CGNL1: variants seen among roughly 807,000 people sequenced by gnomAD.
The protein encoded by CGNL1 is cingulin-like protein 1.
In CGNL1, 132 loss-of-function variants were observed where a neutral mutation model predicts 141.2. That is an observed-to-expected ratio of 0.93 (90% CI 0.81 to 1.08). The LOEUF (loss-of-function observed/expected upper bound fraction) is 1.08. CGNL1 is among the 50% of genes least tolerant of loss of function. The pLI, the probability that CGNL1 is intolerant of heterozygous loss-of-function variation, is 0.00. For synonymous variants in CGNL1, 690 were observed against 622.1 expected (o/e 1.11, Z -1.63); for missense variants, 1,870 against 1,588.6 (o/e 1.18, Z -3.01).
At chr15:57,491,560 A>C (rs1258785760) in intron 8 of CGNL1, among the ~76,000 whole-genome samples, 1 of 152,196 alleles carries the variant, frequency 6.6e-6, no homozygotes, top group Non-Finnish European at 1.5e-5. Flanking sequence ...TGAGCCCTAG[A>C]ACATATGTTT....
chr15:57,392,230 G>A (rs1473779697), intron 1 of CGNL1, among the ~76,000 whole-genome samples: 1 of 152,102 alleles, frequency 6.6e-6, no homozygotes, highest in Non-Finnish European at 1.5e-5. Context: ...TTCTTAGTAG[G>A]GGTGGGAGAT....
chr15:57,522,365 T>A (rs1379359278), intron 10 of CGNL1, among the ~76,000 whole-genome samples: 1 of 152,270 alleles, frequency 6.6e-6, no homozygotes, highest in African/African-American at 2.4e-5. Context: ...GAGTCCGAAG[T>A]GATTTGGAAT....
At chr15:57,485,357 A>G (rs1441255173) in intron 8 of CGNL1, among the ~76,000 whole-genome samples, 1 of 152,180 alleles carries the variant, frequency 6.6e-6, no homozygotes, top group Non-Finnish European at 1.5e-5. Context: ...AAAAGATTGT[A>G]TATTTTGCTA....
At chr15:57,483,468 CTT>C (rs60667956) in intron 8 of CGNL1, among the ~76,000 whole-genome samples, 44 of 127,784 alleles carry the variant, frequency 3.4e-4, no homozygotes, top group South Asian at 7.6e-4. Context: ...ACAAAGTTTT[CTT>C]TTTTTTTTTT....
At chr15:57,529,818 C>T (rs866532029) in intron 13 of CGNL1, among the ~76,000 whole-genome samples, 7 of 152,170 alleles carry the variant, frequency 4.6e-5, no homozygotes, top group Middle Eastern at 3.2e-3. Flanking sequence ...ATTTTCAAAA[C>T]GTCCAGGGGA....
At chr15:57,497,479 C>G (rs2063957397) in intron 8 of CGNL1, among the ~76,000 whole-genome samples, 1 of 152,216 alleles carries the variant, frequency 6.6e-6, no homozygotes, top group Admixed American at 6.5e-5. Context: ...AGAATAAAGA[C>G]ACATTCTCAT....
chr15:57,435,246 T>G (rs541197047), intron 1 of CGNL1, among the ~76,000 whole-genome samples: 4 of 152,142 alleles, frequency 2.6e-5, no homozygotes, highest in Admixed American at 2.6e-4. Context: ...ATGTAAATAG[T>G]TGACTCTTGA....
intron 1 of CGNL1, among the ~76,000 whole-genome samples, chr15:57,419,259 C>A (rs1285294391): frequency 6.6e-6 from 1 of 151,978 alleles, no homozygotes; most frequent in African/African-American, 2.4e-5. Context: ...TTAAAAAAAA[C>A]CCTTTAATTT....
chr15:57,506,392 A>T (rs2064103357), intron 8 of CGNL1, among the ~76,000 whole-genome samples: 1 of 152,242 alleles, frequency 6.6e-6, no homozygotes. Context: ...GTGGTGTCTT[A>T]TAAATATGAT....
chr15:57,547,048 G>A (rs1427860568), intron 18 of CGNL1, among the ~76,000 whole-genome samples: 1 of 152,208 alleles, frequency 6.6e-6, no homozygotes, highest in Non-Finnish European at 1.5e-5. Context: ...TGCAATCCAT[G>A]GTGAACAAGA....
intron 8 of CGNL1, among the ~76,000 whole-genome samples, chr15:57,512,159 C>T (rs1463393197): frequency 2.0e-5 from 3 of 152,210 alleles, no homozygotes; most frequent in African/African-American, 7.2e-5. Context: ...ATCCAAGCAT[C>T]AGATCACTTC....
At chr15:57,385,335 A>G (rs1333547810) in intron 1 of CGNL1, among the ~76,000 whole-genome samples, 1 of 152,166 alleles carries the variant, frequency 6.6e-6, no homozygotes, top group East Asian at 1.9e-4. Flanking sequence ...GGAGTTCAAG[A>G]CCAGCCTAGC....
rs1457729966 is a variant in CGNL1, at chr15:57,435,689, A to G, written c.-15-2296A>G. Among the ~76,000 whole-genome samples, 4 of 152,230 alleles carry G rather than the reference A, an allele frequency of 2.6e-5. No individual in the cohort carries two copies. The East Asian group carries it at 5.8e-4, about 22-fold the overall frequency. On this transcript the variant is annotated intron_variant, in intron 1 of 18. Transcript: ENST00000281282. ...TTTAAAAGAATTATCACCAAGCAAA[A>G]CTGACAACACTATGCTACTGGTAGG... is the stretch of plus-strand genomic sequence containing the variant.
At chr15:57,417,415 G>A (rs899358821) in intron 1 of CGNL1, among the ~76,000 whole-genome samples, 3 of 152,034 alleles carry the variant, frequency 2.0e-5, no homozygotes, top group African/African-American at 7.2e-5. Flanking sequence ...TGTATTTTTA[G>A]TAGAGATGGG....
intron 8 of CGNL1, among the ~76,000 whole-genome samples, chr15:57,478,633 T>C (rs549071363): frequency 2.0e-4 from 30 of 152,270 alleles, no homozygotes; most frequent in African/African-American, 6.7e-4. Flanking sequence ...AAAGGATACA[T>C]GGTGACCCAA....
At chr15:57,501,598 T>G in intron 8 of CGNL1, among the ~76,000 whole-genome samples, 2 of 150,734 alleles carry the variant, frequency 1.3e-5, no homozygotes, top group African/African-American at 4.9e-5. Context: ...AGAGAAGAAG[T>G]GGGGAGCAGG....
chr15:57,541,216 G>C (rs2032546161), intron 14 of CGNL1, among the ~76,000 whole-genome samples: 1 of 152,240 alleles, frequency 6.6e-6, no homozygotes, highest in African/African-American at 2.4e-5. Context: ...GGCCACTGCT[G>C]TTTTTCTCTG....
intron 4 of CGNL1, among the ~76,000 whole-genome samples, chr15:57,443,546 C>T (rs561627963): frequency 6.6e-6 from 1 of 152,296 alleles, no homozygotes; most frequent in South Asian, 2.1e-4. Flanking sequence ...TAGGCGTCAA[C>T]CTACCATCTT....
chr15:57,424,281 T>C (rs145156272), intron 1 of CGNL1, among the ~76,000 whole-genome samples: 3 of 152,306 alleles, frequency 2.0e-5, no homozygotes, highest in African/African-American at 4.8e-5. Context: ...AAAGCAAATA[T>C]TCCCTTCCCA....
Sources: gnomAD v4.1 joint callset for allele counts (sites outside exome capture counted in the v4.1 genomes callset) on GRCh38, gnomAD v4.1.1 for gene constraint, MANE v1.5 for transcripts, NCBI Gene and HGNC (gene_info 2026-07-23, HGNC 2026-07-21) for gene names.